The following ZNF667 variants were observed in gnomAD, a reference collection of about 807,000 sequenced individuals.
ZNF667 encodes myocardial ischemic preconditioning upregulated 1 ortholog.
Under a neutral mutation model 31.8 loss-of-function variants are expected in ZNF667, and 13 were observed. The ratio of observed to expected loss-of-function variants is 0.41; its 90% CI spans 0.27 to 0.65. The LOEUF (loss-of-function observed/expected upper bound fraction) is 0.65. Ranked by LOEUF, ZNF667 falls within the 30% of genes least tolerant of loss-of-function variation. The pLI is 0.32. For missense variants in ZNF667, 642 were observed against 725.6 expected (o/e 0.88, Z 1.32); for synonymous variants, 228 against 247.1 (o/e 0.92, Z 0.73).
At chr19:56,442,869 G>A in intron 6 of ZNF667, 128 bp from the exon 7 acceptor site, 1 of 1,264,668 alleles carries the variant, frequency 7.9e-7, no homozygotes, top group South Asian at 2.0e-5. Flanking sequence ...TAACTTTTTA[G>A]TGTTTTATTG....
intron 3 of ZNF667, among the ~76,000 whole-genome samples, chr19:56,469,132 G>A (rs1476403049): frequency 6.6e-6 from 1 of 152,228 alleles, no homozygotes; most frequent in East Asian, 1.9e-4. Context: ...AGGGTGAGAT[G>A]AAGAGGTCGG....
In ZNF667 at chr19:56,441,461, C is replaced by T; in HGVS notation, c.1534G>A (p.Ala512Thr). ...ATTCTTTCATGTTGGGCGAGGTGTG[C>T]ACTCTGGCTGAAGGCCTTCCCACAC... ...DQCGKAFSQS[A>T]HLAQHERIHT... The change falls in exon 7 of 7, where the codon GCA becomes ACA. Residue 512 changes from alanine (A) to threonine (T), a missense_variant. Coordinates refer to ENST00000504904, the MANE Select transcript of ZNF667 (RefSeq NM_001321356.2). This position sits in a 1 kb window ranked among gnomAD's most constrained non-coding sequence, Gnocchi z 4.2. 1 of 1,614,158 alleles carries T rather than the reference C, an allele frequency of 6.2e-7. No individual in the cohort carries two copies. Among genetic ancestry groups the T allele is most frequent in the Non-Finnish European group, 8.5e-7 (1 of 1,180,028 alleles).
In ZNF667 at chr19:56,456,172, TAAAG is replaced by T. The variant is rs533044605; in HGVS notation, c.253+1979_253+1982del. 3.1e-4 allele frequency among the ~76,000 whole-genome samples: 47 copies of T among 152,298 alleles called. No homozygotes were observed. The East Asian group carries it at 4.1e-3, about 13-fold the overall frequency. On this transcript the variant is annotated intron_variant, in intron 6 of 6. Coordinates refer to ENST00000504904, the MANE Select transcript of ZNF667 (RefSeq NM_001321356.2). ...ACTGCTATTAATTCATTTTACTAAA[TAAAG>T]AGAGACATTTTAATGGCAATATCCA...
chr19:56,451,395 T>A (rs2042819209), intron 6 of ZNF667, among the ~76,000 whole-genome samples: 1 of 151,572 alleles, frequency 6.6e-6, no homozygotes, highest in African/African-American at 2.4e-5. Flanking sequence ...AACCACTTCA[T>A]TTTCAGCATT....
intron 6 of ZNF667, among the ~76,000 whole-genome samples, chr19:56,455,462 T>C (rs1334238283): frequency 6.6e-6 from 1 of 152,238 alleles, no homozygotes; most frequent in Admixed American, 6.5e-5. Context: ...TGAGATCCTG[T>C]AATCTGCAAC....
chr19:56,467,043 G>A (rs1168237821), intron 3 of ZNF667: 1 of 456,598 alleles, frequency 2.2e-6, no homozygotes, highest in South Asian at 1.5e-5. Flanking sequence ...TCTGGATTGG[G>A]ACCCTCTTTT....
In ZNF667 at chr19:56,441,579, C is replaced by G; in HGVS notation, c.1416G>C (p.Gln472His). 6.2e-7 allele frequency: 1 copy of G among 1,614,150 alleles called. No individual in the cohort carries two copies. Among genetic ancestry groups the G allele is most frequent in the Non-Finnish European group, 8.5e-7 (1 of 1,180,034 alleles). Residue 472 changes from glutamine (Q) to histidine (H), a missense_variant, in exon 7 of 7, where the codon CAG becomes CAC. Coordinates refer to ENST00000504904, the MANE Select transcript of ZNF667 (RefSeq NM_001321356.2). This position sits in a 1 kb window ranked among gnomAD's most constrained non-coding sequence, Gnocchi z 4.2. ...QRIHTGEKPY[Q>H]CEECGKAFSH... ...TGAAGGCTTTTCCACATTCCTCACACTGGTAGGGTTTTTCTCCAGTATGAA... is the reference window on the plus strand; with the variant it reads ...TGAAGGCTTTTCCACATTCCTCACAGTGGTAGGGTTTTTCTCCAGTATGAA...
At chr19:56,467,810 G>A (rs1398277870) in intron 3 of ZNF667, 2 of 152,202 alleles carry the variant, frequency 1.3e-5, no homozygotes, top group Admixed American at 6.5e-5. Context: ...TATGTGTGAG[G>A]TGGTGTGGAG....
intron 1 of ZNF667, among the ~76,000 whole-genome samples, chr19:56,476,734 A>C (rs888574932): frequency 6.6e-5 from 10 of 152,146 alleles, no homozygotes; most frequent in Non-Finnish European, 1.3e-4. Flanking sequence ...TGAGATATAC[A>C]CCAGAAAGGC....
At chr19:56,448,638 T>TAAA (rs34255832) in intron 6 of ZNF667, among the ~76,000 whole-genome samples, 11 of 148,794 alleles carry the variant, frequency 7.4e-5, no homozygotes, top group Admixed American at 7.3e-4. Flanking sequence ...TCAACCACAG[T>TAAA]AAAAAAAAAA....
At chr19:56,450,940 C>A (rs191282095) in intron 6 of ZNF667, among the ~76,000 whole-genome samples, 1 of 152,018 alleles carries the variant, frequency 6.6e-6, no homozygotes. Flanking sequence ...GAAAAGGCCA[C>A]AAAACAACCA....
chr19:56,461,889 C>A (rs543667825), intron 4 of ZNF667, among the ~76,000 whole-genome samples: 65 of 152,314 alleles, frequency 4.3e-4, no homozygotes, highest in African/African-American at 1.4e-3. Flanking sequence ...AAAGAGATTT[C>A]CTCCATGTAA....
At position 56,442,415 on chromosome 19, in the gene ZNF667, G is replaced by A; in HGVS notation, c.580C>T (p.His194Tyr). 1 of 1,614,100 alleles carries A rather than the reference G, an allele frequency of 6.2e-7. No individual in the cohort carries two copies. Among genetic ancestry groups the A allele is most frequent in the South Asian group, 1.1e-5 (1 of 91,068 alleles). Residue 194 changes from histidine (H) to tyrosine (Y), a missense_variant, in exon 7 of 7, where the codon CAC (histidine) becomes TAC (tyrosine). His to Tyr is a moderately conservative substitution (Grantham distance 83, BLOSUM62 2). Coordinates refer to ENST00000504904, the MANE Select transcript of ZNF667 (RefSeq NM_001321356.2). Reference sequence around the variant, plus strand: ...CATTCATGGCTTTTCTTTCCACTGTGAATTCTCTGATGAAGTAGGATGGAT... The same window carrying A: ...CATTCATGGCTTTTCTTTCCACTGTAAATTCTCTGATGAAGTAGGATGGAT... Reference protein sequence around the residue: ...ISSILLHQRIHSGKKSHECNK... With the variant: ...ISSILLHQRIYSGKKSHECNK...
intron 6 of ZNF667, chr19:56,449,289 GA>G: frequency 2.3e-6 from 1 of 439,462 alleles, no homozygotes; most frequent in Non-Finnish European, 4.5e-6. Context: ...GACCATCCGG[GA>G]AAACATGACC....
At position 56,472,066 on chromosome 19, in the gene ZNF667, T is replaced by C. The variant is rs2043303694; in HGVS notation, c.-427A>G. On this transcript the variant is annotated 5_prime_UTR_variant, in exon 3 of 7. An upstream start codon of the reference 5' UTR is lost. Transcript: ENST00000504904. ...TGTAAGACGTGTCTTTCACCTTCCA[T>C]CACGATTGTGAGGCCTCCCCAGCCA... 6.6e-6 allele frequency: 1 copy of C among 152,334 alleles called. No individual in the cohort carries two copies. The highest frequency in any genetic ancestry group is 1.5e-5 in the Non-Finnish European group (1 of 68,168). The allele number at this position is 152,334 out of a possible 1,614,324, so 9.4% of individuals were successfully genotyped here.
intron 2 of ZNF667, 107 bp from the exon 3 acceptor site, chr19:56,472,294 T>C (rs1225759293): frequency 6.6e-6 from 1 of 152,224 alleles, no homozygotes; most frequent in Non-Finnish European, 1.5e-5. Context: ...TTTGCTCATC[T>C]ATACAATGGG....
chr19:56,450,287 T>G (rs1423764860), intron 6 of ZNF667, among the ~76,000 whole-genome samples: 1 of 152,130 alleles, frequency 6.6e-6, no homozygotes, highest in African/African-American at 2.4e-5. Flanking sequence ...AGTGGAAACC[T>G]TATAGGCCAG....
chr19:56,466,073 C>T (rs1249427485), intron 3 of ZNF667, among the ~76,000 whole-genome samples: 5 of 152,296 alleles, frequency 3.3e-5, no homozygotes, highest in South Asian at 4.2e-4. Flanking sequence ...GACAGCACCT[C>T]GCATGTGTTG....
Position 56,442,130 on chromosome 19 carries a change from C to T in ZNF667, c.865G>A (p.Gly289Ser), listed in dbSNP as rs865859731. The T allele has an allele frequency of 6.2e-7, 1 of 1,612,990 alleles. No homozygotes were observed. Among genetic ancestry groups the T allele is most frequent in the Non-Finnish European group, 8.5e-7 (1 of 1,179,668 alleles). The change falls in exon 7 of 7, where the codon GGC (glycine) becomes AGC (serine). Residue 289 changes from glycine (G) to serine (S), a missense_variant. Transcript: ENST00000504904. ...KTHKYNKCGR[G>S]FKKKSVFVVH... ...ACAAAGACTGATTTCTTTTTGAAGCCTCTCCCACATTTATTATATTTATGT... is the reference window on the plus strand; with the variant it reads ...ACAAAGACTGATTTCTTTTTGAAGCTTCTCCCACATTTATTATATTTATGT...
Sources: gnomAD v4.1 joint callset for allele counts (sites outside exome capture counted in the v4.1 genomes callset) on GRCh38, gnomAD v4.1.1 for gene constraint, Gnocchi (gnomAD v3.1) non-coding constraint, MANE v1.5 for transcripts, NCBI Gene and HGNC (gene_info 2026-07-23, HGNC 2026-07-21) for gene names.